BRINP3: variants seen among roughly 807,000 people sequenced by gnomAD.
BRINP3 encodes the protein BMP/retinoic acid inducible neural specific 3, also known as BMP/retinoic acid-inducible neural-specific protein 3.
Under a neutral mutation model 71.0 loss-of-function variants are expected in BRINP3, and 19 were observed. That is an observed-to-expected ratio of 0.27 (90% CI 0.19 to 0.39). BRINP3 has a LOEUF of 0.39. Ranked by LOEUF, BRINP3 falls within the 10% of genes least tolerant of loss-of-function variation. BRINP3 has a pLI of 1.00. For synonymous variants in BRINP3, 380 were observed against 337.7 expected (o/e 1.13, Z -1.37); for missense variants, 959 against 940.8 (o/e 1.02, Z -0.25).
intron 7 of BRINP3, among the ~76,000 whole-genome samples, chr1:190,136,881 T>C (rs1452630926): frequency 6.6e-6 from 1 of 151,994 alleles, no homozygotes; most frequent in Non-Finnish European, 1.5e-5. Flanking sequence ...TATTAAACAC[T>C]TGAAATTCAA....
intron 2 of BRINP3, among the ~76,000 whole-genome samples, chr1:190,443,797 A>T (rs1352001983): frequency 6.6e-6 from 1 of 152,182 alleles, no homozygotes; most frequent in Admixed American, 6.5e-5. Context: ...AACCAATCAG[A>T]ACTTACCTAC....
intron 2 of BRINP3, among the ~76,000 whole-genome samples, chr1:190,375,367 C>T (rs1427800080): frequency 6.6e-6 from 1 of 151,848 alleles, no homozygotes; most frequent in South Asian, 2.1e-4. Flanking sequence ...TGACCATGTA[C>T]TGGAAAAGAG....
rs147744926 is a variant in BRINP3 at position 190,402,003 on chromosome 1, T to A, written c.236+52652A>T. ...TTGATATGAACAACTATATATATAT[T>A]TCATTACACTAGGAAAATTTGTTTA... On this transcript the variant is annotated intron_variant, in intron 2 of 7. Transcript: ENST00000367462. Among the ~76,000 whole-genome samples, 1,135 of 152,022 alleles carry A rather than the reference T, an allele frequency of 7.5e-3. 6 individuals are homozygous for A. Among genetic ancestry groups the A allele is most frequent in the Admixed American group, 0.013 (205 of 15,274 alleles).
chr1:190,267,647 GA>G (rs1273003128), intron 3 of BRINP3, among the ~76,000 whole-genome samples: 1 of 151,678 alleles, frequency 6.6e-6, no homozygotes, highest in Non-Finnish European at 1.5e-5. Context: ...TCTTTCAGGA[GA>G]AAAAACACCG....
intron 7 of BRINP3, among the ~76,000 whole-genome samples, chr1:190,150,266 A>ATGTGTG (rs10640861): frequency 6.2e-5 from 8 of 128,128 alleles, no homozygotes; most frequent in South Asian, 2.9e-4. Context: ...GTGCATATCT[A>ATGTGTG]TGTGTGTGTG....
Position 190,292,275 on chromosome 1 carries a change from G to A in BRINP3, c.237-10525C>T, listed in dbSNP as rs1663926420. On this transcript the variant is annotated intron_variant, in intron 2 of 7. Transcript: ENST00000367462. ...GGCCATATATTGTATTCTTGAAAAG[G>A]AAGTGATCAGCAAACCTAAAATACT... Among the ~76,000 whole-genome samples the A allele has an allele frequency of 2.6e-5, 4 of 152,176 alleles. No individual in the cohort carries two copies. In the South Asian group the frequency reaches 8.3e-4, roughly 32 times the overall value.
chr1:190,170,414 G>A (rs1013653344), intron 6 of BRINP3, among the ~76,000 whole-genome samples: 3 of 151,994 alleles, frequency 2.0e-5, no homozygotes, highest in African/African-American at 7.3e-5. Flanking sequence ...TTTCTTAAAT[G>A]TCGTAACCAA....
At chr1:190,118,959 T>C (rs1417139394) in intron 7 of BRINP3, among the ~76,000 whole-genome samples, 1 of 152,204 alleles carries the variant, frequency 6.6e-6, no homozygotes, top group Non-Finnish European at 1.5e-5. Context: ...GGCCATTTTA[T>C]GTTCTTCCTG....
intron 7 of BRINP3, among the ~76,000 whole-genome samples, chr1:190,130,276 A>T (rs575819202): frequency 6.6e-6 from 1 of 152,122 alleles, no homozygotes; most frequent in Admixed American, 6.6e-5. Flanking sequence ...TTGAAAAATC[A>T]GGAGTCTACG....
chr1:190,213,429 A>T (rs560182758), intron 6 of BRINP3, among the ~76,000 whole-genome samples: 1 of 152,236 alleles, frequency 6.6e-6, no homozygotes, highest in African/African-American at 2.4e-5. Context: ...CTTGTCTGAC[A>T]TACGACCTCA....
chr1:190,164,167 T>C (rs887959497), intron 6 of BRINP3, among the ~76,000 whole-genome samples: 2 of 152,158 alleles, frequency 1.3e-5, no homozygotes, highest in East Asian at 1.9e-4. Context: ...AAAAAAACTT[T>C]GACCAATGCA....
At chr1:190,453,470 G>A (rs1675787473) in intron 2 of BRINP3, among the ~76,000 whole-genome samples, 1 of 151,848 alleles carries the variant, frequency 6.6e-6, no homozygotes, top group Non-Finnish European at 1.5e-5. Context: ...GCCCGTCTCT[G>A]CCTCCCAAAG....
chr1:190,369,143 T>A (rs564715737), intron 2 of BRINP3, among the ~76,000 whole-genome samples: 1 of 152,110 alleles, frequency 6.6e-6, no homozygotes, highest in Non-Finnish European at 1.5e-5. Context: ...ATATCTGTAA[T>A]ATTAATAAAG....
chr1:190,173,144 A>T (rs1208490160), intron 6 of BRINP3, among the ~76,000 whole-genome samples: 1 of 152,158 alleles, frequency 6.6e-6, no homozygotes, highest in African/African-American at 2.4e-5. Flanking sequence ...AAATCAAGTA[A>T]TGCAGCTGCG....
chr1:190,454,627 C>T (rs1675865955), intron 2 of BRINP3, 28 bp downstream of exon 2: 13 of 1,576,456 alleles, frequency 8.2e-6, no homozygotes, highest in Non-Finnish European at 9.6e-6. Flanking sequence ...GATGATATTT[C>T]TGTAATTGCT....
chr1:190,388,210 T>C (rs1171383), intron 2 of BRINP3, among the ~76,000 whole-genome samples: 54,979 of 151,474 alleles, frequency 0.36, 11,029 homozygotes, highest in Admixed American at 0.49. Context: ...GAAATTATAA[T>C]ATTTCAGGCA....
intron 6 of BRINP3, among the ~76,000 whole-genome samples, chr1:190,164,269 T>A (rs1651282073): frequency 6.6e-6 from 1 of 152,186 alleles, no homozygotes; most frequent in Non-Finnish European, 1.5e-5. Context: ...CTAAGTTTTC[T>A]AGAGTTTTGA....
At chr1:190,463,444 G>T (rs1452644599) in intron 1 of BRINP3, among the ~76,000 whole-genome samples, 1 of 150,946 alleles carries the variant, frequency 6.6e-6, no homozygotes, top group Non-Finnish European at 1.5e-5. Context: ...TAAAAAAAAA[G>T]GAAAAATTAT....
At chr1:190,102,230 C>A (rs991575020) in intron 7 of BRINP3, among the ~76,000 whole-genome samples, 14 of 152,104 alleles carry the variant, frequency 9.2e-5, no homozygotes, top group Non-Finnish European at 7.4e-5. Flanking sequence ...AAAGACTAAG[C>A]AAATTGCAGA....
Sources: gnomAD v4.1 joint callset for allele counts (sites outside exome capture counted in the v4.1 genomes callset) on GRCh38, gnomAD v4.1.1 for gene constraint, MANE v1.5 for transcripts, NCBI Gene and HGNC (gene_info 2026-07-23, HGNC 2026-07-21) for gene names.